The following NSD3 variants were observed in gnomAD, a reference collection of about 807,000 sequenced individuals.
The protein encoded by NSD3 is histone-lysine N-methyltransferase NSD3.
In NSD3, 24 loss-of-function variants were observed where a neutral mutation model predicts 160.8. The ratio of observed to expected loss-of-function variants is 0.15; its 90% CI spans 0.11 to 0.21. NSD3 has a LOEUF of 0.21. Among genes scored for constraint, NSD3 ranks in the 10% least tolerant of loss-of-function variants. The pLI, the probability that NSD3 is intolerant of heterozygous loss-of-function variation, is 1.00. For missense variants in NSD3, 1,157 were observed against 1,735.9 expected (o/e 0.67, Z 5.93); for synonymous variants, 520 against 600.0 (o/e 0.87, Z 1.95).
chr8:38,361,544 A>G (rs1810963823), intron 1 of NSD3, among the ~76,000 whole-genome samples: 1 of 150,150 alleles, frequency 6.7e-6, no homozygotes, highest in African/African-American at 2.4e-5. Context: ...TCACGAGGTC[A>G]GGAGATCGAG....
intron 4 of NSD3, among the ~76,000 whole-genome samples, chr8:38,333,792 G>A (rs962566277): frequency 5.3e-5 from 8 of 152,060 alleles, no homozygotes; most frequent in Non-Finnish European, 7.4e-5. Flanking sequence ...GCGTGAACCC[G>A]GGAAGCGGAG....
chr8:38,286,333 A>G (rs1331419669), intron 19 of NSD3, among the ~76,000 whole-genome samples: 1 of 152,028 alleles, frequency 6.6e-6, no homozygotes, highest in African/African-American at 2.4e-5. Context: ...CAAAACAAAA[A>G]CAACTGGAGT....
intron 1 of NSD3, among the ~76,000 whole-genome samples, chr8:38,358,460 G>T (rs529712550): frequency 2.9e-4 from 44 of 152,236 alleles, no homozygotes; most frequent in African/African-American, 9.9e-4. Context: ...CAGGAATGGA[G>T]TACATGCAGA....
In NSD3 at chr8:38,321,279, G is replaced by A; in HGVS notation, c.1709-107C>T. On this transcript the variant is annotated intron_variant, in intron 7 of 23. Coordinates refer to ENST00000317025, the MANE Select transcript of NSD3 (RefSeq NM_023034.2). The surrounding 1 kb of genome is among the most constrained non-coding windows in gnomAD (Gnocchi z 4.7). ...CTTGCTTTTCTTACCCATTACTTTT[G>A]GAATTTTAATTAAAATCATTAAAAA... 1 of 816,604 alleles carries A rather than the reference G, an allele frequency of 1.2e-6. No homozygotes were observed. Among genetic ancestry groups the A allele is most frequent in the South Asian group, 2.1e-5 (1 of 48,206 alleles). 50.6% of individuals were successfully genotyped at this position (816,604 alleles called of 1,614,324 possible).
intron 1 of NSD3, among the ~76,000 whole-genome samples, chr8:38,366,724 A>G (rs903980102): frequency 3.3e-5 from 5 of 152,100 alleles, no homozygotes; most frequent in African/African-American, 9.7e-5. Context: ...TATCTACTTA[A>G]TTCTTTCCCT....
intron 1 of NSD3, among the ~76,000 whole-genome samples, chr8:38,376,265 T>C (rs1361335634): frequency 6.6e-6 from 1 of 152,160 alleles, no homozygotes; most frequent in African/African-American, 2.4e-5. Flanking sequence ...CATTTTTGCA[T>C]GTAAAAATAT....
At chr8:38,292,998 C>T (rs112419852) in intron 16 of NSD3, among the ~76,000 whole-genome samples, 2 of 148,632 alleles carry the variant, frequency 1.3e-5, no homozygotes, top group East Asian at 2.0e-4. Flanking sequence ...ATTAGCCAGG[C>T]GTCATGGCAT....
At chr8:38,349,159 T>A (rs1477606120) in intron 1 of NSD3, among the ~76,000 whole-genome samples, 1 of 152,236 alleles carries the variant, frequency 6.6e-6, no homozygotes, top group African/African-American at 2.4e-5. Flanking sequence ...ATCCTAGATA[T>A]ACTTCTACAT....
rs529904895 is a variant in NSD3 at position 38,324,358 on chromosome 8, T to C, written c.1708+2372A>G. On this transcript the variant is annotated intron_variant, in intron 7 of 23. Transcript: ENST00000317025. The stretch of plus-strand genomic sequence containing the variant: ...ACCTCTCCCTGTCCTGCAGCTCCCA[T>C]TATTTTCTTTTTAAGAAAGCTAGCC... 5.9e-5 allele frequency among the ~76,000 whole-genome samples: 9 copies of C among 152,326 alleles called. No individual in the cohort carries two copies. The South Asian group carries it at 1.7e-3, about 28-fold the overall frequency.
rs549274703 is a variant in NSD3, at chr8:38,338,654, A to G, written c.676-47T>C. ...AGTAGAATAAAATGGCATTAAATAA[A>G]CAAACAAACAAAAAACAGTGACATA... On this transcript the variant is annotated intron_variant, in intron 2 of 23. Transcript: ENST00000317025. The G allele has an allele frequency of 1.2e-5, 17 of 1,429,074 alleles. No individual in the cohort carries two copies. The East Asian group carries it at 3.6e-4, about 31-fold the overall frequency. 88.5% of individuals were successfully genotyped at this position (1,429,074 alleles called of 1,614,324 possible).
intron 19 of NSD3, among the ~76,000 whole-genome samples, chr8:38,283,649 C>T (rs1400120130): frequency 1.3e-5 from 2 of 152,216 alleles, no homozygotes; most frequent in African/African-American, 4.8e-5. Context: ...CTCCCTGCCT[C>T]TTCCTTTGGT....
intron 1 of NSD3, among the ~76,000 whole-genome samples, chr8:38,364,277 A>AAACAACAAC (rs10672618): frequency 0.069 from 10,304 of 149,326 alleles, 411 homozygotes; most frequent in African/African-American, 0.08. Flanking sequence ...ACTCCGTCTC[A>AAACAACAAC]AACAACAACA....
At chr8:38,276,682 T>G in intron 22 of NSD3, 182 bp from the exon 23 acceptor site, 1 of 648,794 alleles carries the variant, frequency 1.5e-6, no homozygotes, top group East Asian at 2.8e-5. Context: ...TTTCACTGAC[T>G]TAAAAATTAT....
At chr8:38,307,188 C>A (rs1310892435) in intron 12 of NSD3, among the ~76,000 whole-genome samples, 2 of 149,736 alleles carry the variant, frequency 1.3e-5, no homozygotes, top group African/African-American at 4.9e-5. Context: ...TTTGATAATA[C>A]CAATTATTAT....
chr8:38,318,982 T>C lies in NSD3; in HGVS notation c.1810-42A>G. The stretch of plus-strand genomic sequence containing the variant: ...ATACAGCATTAACAAAGAATTTTTT[T>C]CCCTTTTAATTATTAACAGAGGGAA... On this transcript the variant is annotated intron_variant, in intron 8 of 23. Coordinates refer to ENST00000317025, the MANE Select transcript of NSD3 (RefSeq NM_023034.2). This position sits in a 1 kb window ranked among gnomAD's most constrained non-coding sequence, Gnocchi z 5.3. 1 of 1,544,574 alleles carries C rather than the reference T, an allele frequency of 6.5e-7. No individual in the cohort carries two copies. Among genetic ancestry groups the C allele is most frequent in the Non-Finnish European group, 8.8e-7 (1 of 1,133,598 alleles).
intron 1 of NSD3, 71 bp from the exon 2 acceptor site, chr8:38,348,286 G>A: frequency 3.3e-6 from 4 of 1,219,190 alleles, no homozygotes; most frequent in South Asian, 1.7e-5. Context: ...AACTGAAAAA[G>A]GATTAAACTA....
chr8:38,317,945 G>T lies in NSD3; in HGVS notation c.1855+950C>A. On this transcript the variant is annotated intron_variant, in intron 9 of 23. Transcript: ENST00000317025. The surrounding 1 kb of genome is among the most constrained non-coding windows in gnomAD (Gnocchi z 5.3). ...AGTCTGGAGTTTCTGGGATGAAATT[G>T]TACAGGAATCTCAGTCCACAGTTTC... The T allele has an allele frequency of 6.2e-7, 1 of 1,614,122 alleles. No homozygotes were observed. Among genetic ancestry groups the T allele is most frequent in the Non-Finnish European group, 8.5e-7 (1 of 1,180,014 alleles).
At chr8:38,275,995 G>T in intron 23 of NSD3, 113 bp from the exon 24 acceptor site, 1 of 958,578 alleles carries the variant, frequency 1.0e-6, no homozygotes, top group Non-Finnish European at 1.5e-6. Context: ...GAATTCAATT[G>T]AATACAACTC....
chr8:38,338,204 G>A (rs946313459), intron 3 of NSD3, among the ~76,000 whole-genome samples: 31 of 151,840 alleles, frequency 2.0e-4, no homozygotes, highest in African/African-American at 7.3e-4. Flanking sequence ...GCAAGCTGAG[G>A]CAGGACAATC....
Sources: gnomAD v4.1 joint callset for allele counts (sites outside exome capture counted in the v4.1 genomes callset) on GRCh38, gnomAD v4.1.1 for gene constraint, Gnocchi (gnomAD v3.1) non-coding constraint, MANE v1.5 for transcripts, NCBI Gene and HGNC (gene_info 2026-07-23, HGNC 2026-07-21) for gene names.